Variants in LRP1B observed in about 807,000 individuals in gnomAD.
LRP1B encodes the protein low-density lipoprotein receptor-related protein 1B.
In LRP1B, 217 loss-of-function variants were observed where a neutral mutation model predicts 556.6. That is an observed-to-expected ratio of 0.39 (90% CI 0.35 to 0.44). The LOEUF is 0.44. Among genes scored for constraint, LRP1B ranks in the 20% least tolerant of loss-of-function variants. The probability of loss-of-function intolerance (pLI) is 1.00; values close to 1 mark genes in which losing one functional copy is unlikely to be tolerated. For synonymous variants in LRP1B, 2,047 were observed against 1,865.8 expected (o/e 1.10, Z -2.50); for missense variants, 5,053 against 5,620.8 (o/e 0.90, Z 3.23).
At chr2:141,333,810 A>G (rs892942732) in intron 3 of LRP1B, among the ~76,000 whole-genome samples, 1 of 152,126 alleles carries the variant, frequency 6.6e-6, no homozygotes, top group Non-Finnish European at 1.5e-5. Flanking sequence ...ATTTTTTGTC[A>G]TCTAAGAGAA....
At chr2:140,674,512 C>T (rs1469156645) in intron 41 of LRP1B, among the ~76,000 whole-genome samples, 1 of 152,182 alleles carries the variant, frequency 6.6e-6, no homozygotes, top group African/African-American at 2.4e-5. Context: ...CTTTAGATAA[C>T]AATTGAACTC....
intron 2 of LRP1B, among the ~76,000 whole-genome samples, chr2:141,724,859 G>A (rs1409115209): frequency 2.0e-5 from 3 of 151,796 alleles, no homozygotes; most frequent in Non-Finnish European, 4.4e-5. Context: ...ACATTCTGAA[G>A]TGCCCTTATT....
chr2:140,502,218 C>T (rs538878692), intron 54 of LRP1B, among the ~76,000 whole-genome samples: 3 of 152,036 alleles, frequency 2.0e-5, no homozygotes, highest in African/African-American at 7.2e-5. Flanking sequence ...TCCCTCAAGC[C>T]ATAGGTCTCT....
intron 43 of LRP1B, among the ~76,000 whole-genome samples, chr2:140,543,670 T>C (rs1015317584): frequency 1.3e-5 from 2 of 151,744 alleles, no homozygotes; most frequent in African/African-American, 4.8e-5. Flanking sequence ...ACTAGTATAA[T>C]AAGGCAAAAA....
intron 7 of LRP1B, among the ~76,000 whole-genome samples, chr2:141,155,616 T>TA (rs1477039561): frequency 6.6e-6 from 1 of 152,024 alleles, no homozygotes; most frequent in Non-Finnish European, 1.5e-5. Flanking sequence ...TTTGATTTTT[T>TA]ATACATCAAT....
chr2:141,164,713 C>G (rs539081833), intron 7 of LRP1B, among the ~76,000 whole-genome samples: 1 of 152,052 alleles, frequency 6.6e-6, no homozygotes, highest in South Asian at 2.1e-4. Context: ...CTGCTGAAAT[C>G]CAAATGTGGG....
At chr2:140,976,860 A>G (rs1696617435) in intron 18 of LRP1B, among the ~76,000 whole-genome samples, 1 of 152,162 alleles carries the variant, frequency 6.6e-6, no homozygotes. Flanking sequence ...TCCAAAGTTG[A>G]AGGCTTCTAA....
chr2:141,347,283 T>C (rs756757647), intron 3 of LRP1B, among the ~76,000 whole-genome samples: 86 of 152,176 alleles, frequency 5.7e-4, no homozygotes, highest in Admixed American at 2.0e-3. Context: ...GATAATGTTA[T>C]AAGAATTTAA....
chr2:140,742,425 A>G (rs1221749928), intron 35 of LRP1B, among the ~76,000 whole-genome samples: 2 of 152,196 alleles, frequency 1.3e-5, no homozygotes, highest in East Asian at 3.8e-4. Context: ...TAAAAAATAA[A>G]TCATTCTGTA....
intron 1 of LRP1B, among the ~76,000 whole-genome samples, chr2:141,937,526 T>A (rs1164123121): frequency 6.6e-6 from 1 of 151,998 alleles, no homozygotes; most frequent in African/African-American, 2.4e-5. Flanking sequence ...CTTCCCAAGA[T>A]CGTCTATCAT....
chr2:141,162,547 T>C (rs556668207), intron 7 of LRP1B, among the ~76,000 whole-genome samples: 6 of 152,192 alleles, frequency 3.9e-5, no homozygotes, highest in African/African-American at 1.4e-4. Context: ...GACCCAAGTG[T>C]ATCATATCTT....
At chr2:141,071,776 A>G (rs1699650795) in intron 7 of LRP1B, among the ~76,000 whole-genome samples, 1 of 152,200 alleles carries the variant, frequency 6.6e-6, no homozygotes, top group Admixed American at 6.5e-5. Context: ...AGAATAAAAT[A>G]CCTAGGAATC....
chr2:141,959,305 G>A (rs771156579), intron 1 of LRP1B, among the ~76,000 whole-genome samples: 1 of 151,908 alleles, frequency 6.6e-6, no homozygotes, highest in Non-Finnish European at 1.5e-5. Flanking sequence ...TCAAGCCAGG[G>A]CTGCCCAAAG....
In LRP1B at chr2:141,254,503, C is replaced by T. The variant is rs139104303; in HGVS notation, c.463+19G>A. 1.1e-3 allele frequency: 1,765 copies of T among 1,609,608 alleles called. 17 individuals carry two copies. The African/African-American group carries it at 0.02, about 18-fold the overall frequency. On this transcript the variant is annotated intron_variant, in intron 4 of 90. Coordinates refer to ENST00000389484, the MANE Select transcript of LRP1B (RefSeq NM_018557.3). ...AGCCTCTATAAACAAAATTTGATGG[C>T]GTTATATGTTTTACTTACCTTTACA...
At chr2:141,093,040 CTTTTTTGTTGTTTT>C (rs1700210633) in intron 7 of LRP1B, among the ~76,000 whole-genome samples, 1 of 137,648 alleles carries the variant, frequency 7.3e-6, no homozygotes, top group African/African-American at 2.6e-5. Flanking sequence ...GGAGTCAAGA[CTTTTTTGTTGTTTT>C]TTTTTTGTTA....
rs886921958 is a variant in LRP1B, at chr2:140,244,524, T to G, written c.13324+2562A>C. ...ATTTAAAATAGAAGTATGCAATGAA[T>G]ATTTTATTATGCTGAGTTTAAAACT... On this transcript the variant is annotated intron_variant, in intron 87 of 90. Transcript: ENST00000389484. Among the ~76,000 whole-genome samples, 10 of 151,450 alleles carry G rather than the reference T, an allele frequency of 6.6e-5. No individual in the cohort carries two copies. In the East Asian group the frequency reaches 1.9e-3, roughly 30 times the overall value.
At chr2:141,991,517 A>G (rs769947321) in intron 1 of LRP1B, among the ~76,000 whole-genome samples, 10 of 151,990 alleles carry the variant, frequency 6.6e-5, no homozygotes, top group Non-Finnish European at 1.3e-4. Flanking sequence ...CCTCATACGC[A>G]CACACACACA....
chr2:141,103,761 A>C (rs1257482939), intron 7 of LRP1B, among the ~76,000 whole-genome samples: 3 of 151,496 alleles, frequency 2.0e-5, no homozygotes, highest in Admixed American at 6.6e-5. Flanking sequence ...TTACCAATAC[A>C]AAAGGCCTAT....
At chr2:141,407,691 T>A (rs769586252) in intron 3 of LRP1B, among the ~76,000 whole-genome samples, 1 of 152,150 alleles carries the variant, frequency 6.6e-6, no homozygotes. Flanking sequence ...AATTGAAAGC[T>A]CCCTGAGGCT....
Sources: allele counts gnomAD v4.1 joint callset (sites outside exome capture counted in the v4.1 genomes callset), GRCh38; gene constraint gnomAD v4.1.1; transcripts MANE v1.5; gene names NCBI Gene and HGNC (gene_info 2026-07-23, HGNC 2026-07-21).